PAQR7: variants seen among roughly 807,000 people sequenced by gnomAD.
The protein encoded by PAQR7 is progestin and adipoQ receptor family member 7, also known as membrane progestin receptor alpha.
Under a neutral mutation model 24.6 loss-of-function variants are expected in PAQR7, and 14 were observed. The observed-to-expected ratio is 0.57, with a 90% CI of 0.38 to 0.89. PAQR7 has a LOEUF of 0.89. Ranked by LOEUF, PAQR7 falls within the 40% of genes least tolerant of loss-of-function variation. The probability of loss-of-function intolerance (pLI) is 0.00; values close to 1 mark genes in which losing one functional copy is unlikely to be tolerated. For synonymous variants in PAQR7, 189 were observed against 198.8 expected (o/e 0.95, Z 0.42); for missense variants, 351 against 444.0 (o/e 0.79, Z 1.88).
At chr1:25,864,964 G>A (rs948151914) in intron 2 of PAQR7, among the ~76,000 whole-genome samples, 21 of 151,646 alleles carry the variant, frequency 1.4e-4, no homozygotes, top group Admixed American at 8.5e-4. Flanking sequence ...AGACCATCCT[G>A]GCTAACACGG....
At chr1:25,867,006 C>T (rs1274883914) in intron 2 of PAQR7, among the ~76,000 whole-genome samples, 3 of 151,860 alleles carry the variant, frequency 2.0e-5, no homozygotes, top group Non-Finnish European at 4.4e-5. Context: ...GTTGGGATTA[C>T]AGGCGTGAGC....
In PAQR7 at chr1:25,863,026, C is replaced by T. The variant is rs6689014; in HGVS notation, c.814G>A (p.Gly272Arg). ...RWFPGSCHVF[G>R]QGHQLFHIFL... Reference sequence around the variant, plus strand: ...ATGTGGAAAAGTTGGTGGCCCTGCCCGAAGACATGGCAGCTGCCAGGGAAC... The same window carrying T: ...ATGTGGAAAAGTTGGTGGCCCTGCCTGAAGACATGGCAGCTGCCAGGGAAC... Residue 272 changes from glycine to arginine, a missense_variant, in exon 3 of 3, where the codon GGG becomes AGG. Physicochemically the swap from Gly to Arg is moderately radical, Grantham distance 125. Coordinates refer to ENST00000675840, the MANE Select transcript of PAQR7 (RefSeq NM_178422.6). The surrounding 1 kb of genome is among the most constrained non-coding windows in gnomAD (Gnocchi z 6.1). 11,476 of 1,614,066 alleles carry T rather than the reference C, an allele frequency of 7.1e-3. 44 individuals are homozygous for T. Among genetic ancestry groups the T allele is most frequent in the Non-Finnish European group, 8.4e-3 (9,924 of 1,180,028 alleles).
Position 25,862,188 on chromosome 1 carries a change from C to T in PAQR7, c.*611G>A, listed in dbSNP as rs937546812. The T allele has an allele frequency of 1.4e-4, 21 of 152,538 alleles. No homozygotes were observed. The highest frequency in any genetic ancestry group is 4.8e-4 in the African/African-American group (20 of 41,432). The allele number at this position is 152,538 out of a possible 1,614,324, so 9.4% of individuals were successfully genotyped here. ...AACAGGCCGTGTGGGACACAGAAGCCAGAGCTAGGAGATCTGGGGCTCACT... is the reference window on the plus strand; with the variant it reads ...AACAGGCCGTGTGGGACACAGAAGCTAGAGCTAGGAGATCTGGGGCTCACT... On this transcript the variant is annotated 3_prime_UTR_variant, in exon 3 of 3. Transcript: ENST00000675840.
intron 2 of PAQR7, among the ~76,000 whole-genome samples, chr1:25,865,444 G>A (rs2048549179): frequency 6.6e-6 from 1 of 152,176 alleles, no homozygotes; most frequent in South Asian, 2.1e-4. Flanking sequence ...GGAGGCTGAG[G>A]CAGGCGGATC....
chr1:25,863,390 C>T lies in PAQR7; in HGVS notation c.450G>A (p.Gln150=), dbSNP rs369827250. 6.2e-7 allele frequency: 1 copy of T among 1,614,136 alleles called. No homozygotes were observed. Among genetic ancestry groups the T allele is most frequent in the Non-Finnish European group, 8.5e-7 (1 of 1,180,050 alleles). ...FLDYVGVAVY[Q]FGSALAHFYY... ...AGAAGTGTGCCAAGGCACTGCCAAACTGGTACACGGCCACCCCCACATAGT... is the reference window on the plus strand; with the variant it reads ...AGAAGTGTGCCAAGGCACTGCCAAATTGGTACACGGCCACCCCCACATAGT... The change falls in exon 3 of 3, where the codon CAG becomes CAA. Residue 150 remains glutamine, a synonymous_variant. Coordinates refer to ENST00000675840, the MANE Select transcript of PAQR7 (RefSeq NM_178422.6). This position sits in a 1 kb window ranked among gnomAD's most constrained non-coding sequence, Gnocchi z 6.1.
rs1374942450 is a variant in PAQR7, at chr1:25,863,358, G to C, written c.482C>G (p.Ala161Gly). The C allele has an allele frequency of 1.2e-6, 2 of 1,614,240 alleles. No homozygotes were observed. Among genetic ancestry groups the C allele is most frequent in the South Asian group, 2.2e-5 (2 of 91,088 alleles). ...CTGGGCATGCCAGGCGGGCTCGATA[G>C]CATAGTAGAAGTGTGCCAAGGCACT... ...FGSALAHFYY[A>G]IEPAWHAQVQ... Residue 161 changes from alanine (A) to glycine (G), a missense_variant, in exon 3 of 3, where the codon GCT becomes GGT. Coordinates refer to ENST00000675840, the MANE Select transcript of PAQR7 (RefSeq NM_178422.6). This position sits in a 1 kb window ranked among gnomAD's most constrained non-coding sequence, Gnocchi z 6.1.
Position 25,863,535 on chromosome 1 carries a change from GGGTCTCCCCAGAAGTCCAC to G in PAQR7, c.286_304del (p.Val96HisfsTer232), listed in dbSNP as rs746064957. The G allele has an allele frequency of 3.7e-6, 6 of 1,614,086 alleles. No individual in the cohort carries two copies. Among genetic ancestry groups the G allele is most frequent in the Non-Finnish European group, 5.1e-6 (6 of 1,180,036 alleles). The stretch of plus-strand genomic sequence containing the variant: ...AATGATGAAGAGGGGCAGGGCGTGT[GGGTCTCCCCAGAAGTCCAC>G]GGTCTCCACAAAGAGGGCCAGCCGC... On this transcript the variant is annotated frameshift_variant, in exon 3 of 3. Coordinates refer to ENST00000675840, the MANE Select transcript of PAQR7 (RefSeq NM_178422.6). LOFTEE classifies it high-confidence loss of function. This position sits in a 1 kb window ranked among gnomAD's most constrained non-coding sequence, Gnocchi z 6.1.
intron 1 of PAQR7, among the ~76,000 whole-genome samples, chr1:25,874,738 A>G (rs1156455880): frequency 6.6e-6 from 1 of 152,198 alleles, no homozygotes; most frequent in Non-Finnish European, 1.5e-5. Flanking sequence ...GGGCTGCTAC[A>G]GGGAAATTTC....
Position 25,862,065 on chromosome 1 carries a change from T to TCCACA in PAQR7, c.*729_*733dup, listed in dbSNP as rs942535023. On this transcript the variant is annotated 3_prime_UTR_variant, in exon 3 of 3. Transcript: ENST00000675840. Reference sequence around the variant, plus strand: ...AAAAGCCTTTGTCATCTTGCATTGATCCACAGGGCCCAGTGGTGACCTGCC... The same window carrying TCCACA: ...AAAAGCCTTTGTCATCTTGCATTGATCCACACCACAGGGCCCAGTGGTGACCTGCC... The TCCACA allele has an allele frequency of 2.3e-5, 3 of 133,180 alleles. No individual in the cohort carries two copies. Among genetic ancestry groups the TCCACA allele is most frequent in the African/African-American group, 8.3e-5 (3 of 36,274 alleles). The allele number at this position is 133,180 out of a possible 1,614,324, so 8.2% of individuals were successfully genotyped here. A position where few individuals can be genotyped will look rare whatever the true frequency, so the allele number is the denominator to read the frequency against.
At chr1:25,868,956 G>A (rs933666582) in intron 2 of PAQR7, among the ~76,000 whole-genome samples, 17 of 151,100 alleles carry the variant, frequency 1.1e-4, no homozygotes, top group Non-Finnish European at 2.2e-4. Context: ...GTGAAACCCC[G>A]TCTCTACTAA....
rs76813300 is a variant in PAQR7 at position 25,872,843 on chromosome 1, G to A, written c.-108-2149C>T. 7.4e-3 allele frequency among the ~76,000 whole-genome samples: 1,128 copies of A among 152,174 alleles called. 10 individuals carry two copies. The highest frequency in any genetic ancestry group is 0.011 in the Non-Finnish European group (717 of 68,014). On this transcript the variant is annotated intron_variant, in intron 1 of 2. Coordinates refer to ENST00000675840, the MANE Select transcript of PAQR7 (RefSeq NM_178422.6). Reference sequence around the variant, plus strand: ...CAATATATTAATACCCTGCCCTCCTGGAGCTTACAGCTCAGCTAAATAACA... The same window carrying A: ...CAATATATTAATACCCTGCCCTCCTAGAGCTTACAGCTCAGCTAAATAACA...
chr1:25,874,212 G>T (rs1463387605), intron 1 of PAQR7, among the ~76,000 whole-genome samples: 2 of 144,100 alleles, frequency 1.4e-5, no homozygotes, highest in Non-Finnish European at 3.0e-5. Context: ...CAGGGTCTAT[G>T]CTCTGTCCCC....
Position 25,863,253 on chromosome 1 carries a change from T to A in PAQR7, c.587A>T (p.Gln196Leu). 2 of 1,614,244 alleles carry A rather than the reference T, an allele frequency of 1.2e-6. No individual in the cohort carries two copies. Among genetic ancestry groups the A allele is most frequent in the African/African-American group, 1.3e-5 (1 of 75,070 alleles). ...TGTGCGGCCCAGCAGGCCTGGTTTC[T>A]GGATGTACTTGTTATAGCAGGAGCC... ...CIGSCYNKYI[Q>L]KPGLLGRTCQ... The change falls in exon 3 of 3, where the codon CAG (glutamine) becomes CTG (leucine). Residue 196 changes from glutamine (Q) to leucine (L), a missense_variant. By Grantham distance (113) the Gln-to-Leu change is moderately radical. Coordinates refer to ENST00000675840, the MANE Select transcript of PAQR7 (RefSeq NM_178422.6). This position sits in a 1 kb window ranked among gnomAD's most constrained non-coding sequence, Gnocchi z 6.1.
chr1:25,866,404 T>A (rs149165778), intron 2 of PAQR7, among the ~76,000 whole-genome samples: 1 of 152,190 alleles, frequency 6.6e-6, no homozygotes, highest in African/African-American at 2.4e-5. Flanking sequence ...CCTTGATTCA[T>A]TCATTTAACA....
At position 25,867,868 on chromosome 1, in the gene PAQR7, G is replaced by A. The variant is rs113862173; in HGVS notation, c.-23+2741C>T. Among the ~76,000 whole-genome samples the A allele has an allele frequency of 1.3e-3, 203 of 152,328 alleles. 1 individual carries two copies. Among genetic ancestry groups the A allele is most frequent in the African/African-American group, 4.6e-3 (192 of 41,578 alleles). ...CTAGTCCAGTGGGGAAGCAGGAGTC[G>A]TTACACTGCTGCACAGGGGCTGCTA... On this transcript the variant is annotated intron_variant, in intron 2 of 2. Coordinates refer to ENST00000675840, the MANE Select transcript of PAQR7 (RefSeq NM_178422.6).
intron 2 of PAQR7, among the ~76,000 whole-genome samples, chr1:25,869,190 TC>T (rs1438972201): frequency 6.6e-6 from 1 of 152,016 alleles, no homozygotes; most frequent in African/African-American, 2.4e-5. Flanking sequence ...CTCTTTACAG[TC>T]CTGTTGCAAT....
At chr1:25,872,421 G>A (rs1443461061) in intron 1 of PAQR7, among the ~76,000 whole-genome samples, 1 of 152,030 alleles carries the variant, frequency 6.6e-6, no homozygotes, top group Admixed American at 6.6e-5. Flanking sequence ...GCCAGGCGCT[G>A]CAGCTTCCTC....
At chr1:25,874,591 G>A (rs544885510) in intron 1 of PAQR7, among the ~76,000 whole-genome samples, 2 of 152,292 alleles carry the variant, frequency 1.3e-5, no homozygotes, top group African/African-American at 2.4e-5. Context: ...CATGACTAGA[G>A]GCTGGGTCCC....
At chr1:25,873,336 G>A (rs1259608730) in intron 1 of PAQR7, among the ~76,000 whole-genome samples, 2 of 152,256 alleles carry the variant, frequency 1.3e-5, no homozygotes, top group East Asian at 3.9e-4. Flanking sequence ...GTAACTCCCA[G>A]GCACCCAGTG....
Sources: allele counts gnomAD v4.1 joint callset (sites outside exome capture counted in the v4.1 genomes callset), GRCh38; gene constraint gnomAD v4.1.1; non-coding constraint Gnocchi (gnomAD v3.1); transcripts MANE v1.5; gene names NCBI Gene and HGNC (gene_info 2026-07-23, HGNC 2026-07-21).